TCF20: variants seen among roughly 807,000 people sequenced by gnomAD.
TCF20 encodes the protein transcription factor 20.
Under a neutral mutation model 148.6 loss-of-function variants are expected in TCF20, and 3 were observed. The observed-to-expected ratio is 0.02, with a 90% CI of 0.01 to 0.05. The LOEUF (loss-of-function observed/expected upper bound fraction) is 0.05. TCF20 is among the 10% of genes least tolerant of loss of function. The probability of loss-of-function intolerance (pLI) is 1.00; values close to 1 mark genes in which losing one functional copy is unlikely to be tolerated. For synonymous variants in TCF20, 1,049 were observed against 909.5 expected (o/e 1.15, Z -2.76); for missense variants, 2,350 against 2,429.3 (o/e 0.97, Z 0.69).
At chr22:42,202,175 C>T (rs1331015663) in intron 2 of TCF20, among the ~76,000 whole-genome samples, 5 of 152,204 alleles carry the variant, frequency 3.3e-5, no homozygotes, top group Non-Finnish European at 5.9e-5. Flanking sequence ...GGAACTACAA[C>T]ATAAGCTATA....
At position 42,290,057 on chromosome 22, in the gene TCF20, T is replaced by A. The variant is rs1383281819; in HGVS notation, c.-37+53422A>T. ...TATTAATTCTCCACAGCCGGCTCAC[T>A]CCCGCCGCACGCATGCGCCCCCTGC... On this transcript the variant is annotated intron_variant, in intron 1 of 1. Coordinates refer to the TCF20 transcript ENST00000515426. This position sits in a 1 kb window ranked among gnomAD's most constrained non-coding sequence, Gnocchi z 4.2. 6.6e-6 allele frequency among the ~76,000 whole-genome samples: 1 copy of A among 152,162 alleles called. No homozygotes were observed. The highest frequency in any genetic ancestry group is 1.5e-5 in the Non-Finnish European group (1 of 68,032).
At chr22:42,198,002 C>A (rs1186153371) in intron 2 of TCF20, among the ~76,000 whole-genome samples, 1 of 152,078 alleles carries the variant, frequency 6.6e-6, no homozygotes, top group Non-Finnish European at 1.5e-5. Context: ...CCCTTCTTGA[C>A]CTAGCAGTTC....
chr22:42,176,872 A>G (rs1936485700), intron 3 of TCF20, among the ~76,000 whole-genome samples: 1 of 152,238 alleles, frequency 6.6e-6, no homozygotes, highest in African/African-American at 2.4e-5. Flanking sequence ...AGATAAGTAG[A>G]GATTTGTTAA....
At chr22:42,329,097 G>C (rs1352544858) in intron 1 of TCF20, among the ~76,000 whole-genome samples, 1 of 152,240 alleles carries the variant, frequency 6.6e-6, no homozygotes, top group Non-Finnish European at 1.5e-5. Flanking sequence ...GAGACTGGTG[G>C]GGTCTCCAAG....
At chr22:42,198,880 G>C (rs1164114443) in intron 2 of TCF20, among the ~76,000 whole-genome samples, 1 of 152,110 alleles carries the variant, frequency 6.6e-6, no homozygotes, top group Admixed American at 6.5e-5. Flanking sequence ...GGCCAGGCTG[G>C]TCTTGAACTC....
chr22:42,306,151 A>G (rs751395525), intron 1 of TCF20, among the ~76,000 whole-genome samples: 93 of 152,388 alleles, frequency 6.1e-4, no homozygotes, highest in Non-Finnish European at 1.0e-3. Flanking sequence ...AGCTGAGCGC[A>G]TGGCTAAGCC....
chr22:42,289,143 C>CA (rs1927088016), intron 1 of TCF20, among the ~76,000 whole-genome samples: 1 of 152,204 alleles, frequency 6.6e-6, no homozygotes, highest in Admixed American at 6.5e-5. Context: ...ACCTGGTCTC[C>CA]ACTGCTGCCC....
chr22:42,267,743 T>C (rs541769131), intron 1 of TCF20, among the ~76,000 whole-genome samples: 5 of 151,998 alleles, frequency 3.3e-5, no homozygotes, highest in African/African-American at 2.4e-5. Context: ...ATAGGCCTGA[T>C]GGTAACATAC....
intron 1 of TCF20, among the ~76,000 whole-genome samples, chr22:42,238,200 T>A (rs541453568): frequency 6.6e-6 from 1 of 152,352 alleles, no homozygotes; most frequent in African/African-American, 2.4e-5. Context: ...TGCTTCAACT[T>A]GCATTTTAAT....
chr22:42,265,783 T>C (rs542791066), intron 1 of TCF20, among the ~76,000 whole-genome samples: 13 of 152,354 alleles, frequency 8.5e-5, no homozygotes, highest in African/African-American at 2.9e-4. Context: ...GCAGTCACCA[T>C]ACAAAATGAT....
At chr22:42,220,102 T>C (rs534267887) in intron 1 of TCF20, among the ~76,000 whole-genome samples, 3 of 152,302 alleles carry the variant, frequency 2.0e-5, no homozygotes, top group East Asian at 3.9e-4. Flanking sequence ...CTTGCCCTCT[T>C]ATAGAAAACC....
chr22:42,319,656 C>T lies in TCF20; in HGVS notation c.-37+23823G>A, dbSNP rs568275190. 5.3e-5 allele frequency among the ~76,000 whole-genome samples: 8 copies of T among 152,326 alleles called. No individual in the cohort carries two copies. The South Asian group carries it at 1.4e-3, about 28-fold the overall frequency. On this transcript the variant is annotated intron_variant, in intron 1 of 1. Transcript: ENST00000515426. ...CTTTGCAACCATGATTCCTAACCCCCGATGAGTATCAGGATCCCCATTTCC... is the reference window on the plus strand; with the variant it reads ...CTTTGCAACCATGATTCCTAACCCCTGATGAGTATCAGGATCCCCATTTCC...
chr22:42,237,793 G>C (rs1350152818), intron 1 of TCF20, among the ~76,000 whole-genome samples: 20 of 151,880 alleles, frequency 1.3e-4, no homozygotes, highest in Admixed American at 1.3e-3. Flanking sequence ...CTGTCAAGAA[G>C]TAATATTCTG....
chr22:42,225,938 G>A (rs556652902), intron 1 of TCF20, among the ~76,000 whole-genome samples: 2 of 152,266 alleles, frequency 1.3e-5, no homozygotes, highest in Non-Finnish European at 2.9e-5. Flanking sequence ...ACCCACAGTC[G>A]GCAGGCCTAT....
rs529772479 is a variant in TCF20 at position 42,317,045 on chromosome 22, A to G, written c.-37+26434T>C. Reference sequence around the variant, plus strand: ...GCCGTAAGGCATCTTCAATGGTCCCATGTCCTCAACACTCTTCCCAGACAC... The same window carrying G: ...GCCGTAAGGCATCTTCAATGGTCCCGTGTCCTCAACACTCTTCCCAGACAC... On this transcript the variant is annotated intron_variant, in intron 1 of 1. Transcript: ENST00000515426. This position sits in a 1 kb window ranked among gnomAD's most constrained non-coding sequence, Gnocchi z 4.2. Among the ~76,000 whole-genome samples the G allele has an allele frequency of 2.6e-5, 4 of 152,160 alleles. No individual in the cohort carries two copies. In the East Asian group the frequency reaches 7.7e-4, roughly 29 times the overall value.
rs115117376 is a variant in TCF20, at chr22:42,224,796, C to T, written c.-36-9455G>A. ...AGCACCATAGAAAATTACATAGTAT[C>T]AGATGAAAAGAGCAGCTCACGTAAA... is the stretch of plus-strand genomic sequence containing the variant. On this transcript the variant is annotated intron_variant, in intron 1 of 5. Transcript: ENST00000677622. Among the ~76,000 whole-genome samples the T allele has an allele frequency of 4.3e-3, 647 of 152,058 alleles. 11 individuals are homozygous for T. Among genetic ancestry groups the T allele is most frequent in the African/African-American group, 0.015 (625 of 41,474 alleles).
chr22:42,243,568 C>T (rs1260558153), intron 1 of TCF20, among the ~76,000 whole-genome samples: 2 of 152,098 alleles, frequency 1.3e-5, no homozygotes, highest in Non-Finnish European at 2.9e-5. Flanking sequence ...CACCACTGCA[C>T]TCCAGCCTGG....
At position 42,219,355 on chromosome 22, in the gene TCF20, C is replaced by CAAAAAAAAAAAA. The variant is rs528664836; in HGVS notation, c.-36-4026_-36-4015dup. On this transcript the variant is annotated intron_variant, in intron 1 of 5. Coordinates refer to ENST00000677622, the MANE Select transcript of TCF20 (RefSeq NM_001378418.1). ...ACCCTGGGTGACAGTAACCCTGTCT[C>CAAAAAAAAAAAA]AAAAAAAAAAAAAAAAAAAAAAAAA... Among the ~76,000 whole-genome samples, 343 of 43,518 alleles carry CAAAAAAAAAAAA rather than the reference C, an allele frequency of 7.9e-3. 55 individuals are homozygous for CAAAAAAAAAAAA. The highest frequency in any genetic ancestry group is 0.029 in the African/African-American group (291 of 10,144). The allele number at this position is 43,518 out of a possible 152,430, so 28.5% of individuals were successfully genotyped here.
At chr22:42,293,500 G>C (rs931519359) in intron 1 of TCF20, among the ~76,000 whole-genome samples, 1 of 152,226 alleles carries the variant, frequency 6.6e-6, no homozygotes, top group Non-Finnish European at 1.5e-5. Context: ...GAGAGTCTGA[G>C]GACAGCGGGG....
Sources: allele counts gnomAD v4.1 joint callset (sites outside exome capture counted in the v4.1 genomes callset), GRCh38; gene constraint gnomAD v4.1.1; non-coding constraint Gnocchi (gnomAD v3.1); transcripts MANE v1.5; gene names NCBI Gene and HGNC (gene_info 2026-07-23, HGNC 2026-07-21).